Variants in KAZN observed in about 807,000 individuals in gnomAD.
KAZN encodes the protein kazrin.
KAZN carries 40 observed loss-of-function variants against 87.4 expected under a neutral mutation model. The ratio of observed to expected loss-of-function variants is 0.46; its 90% CI spans 0.36 to 0.60. The LOEUF (loss-of-function observed/expected upper bound fraction) is 0.60, where lower values mean the gene tolerates loss of function less well. Ranked by LOEUF, KAZN falls within the 20% of genes least tolerant of loss-of-function variation. The probability of loss-of-function intolerance (pLI) is 0.00; values close to 1 mark genes in which losing one functional copy is unlikely to be tolerated. For synonymous variants in KAZN, 466 were observed against 458.3 expected, an observed-to-expected ratio of 1.02 and a Z score of -0.22; for missense variants, 898 against 1,073.9, an observed-to-expected ratio of 0.84 and a Z score of 2.29.
chr1:13,904,104 A>G (rs563301136), intron 1 of KAZN, among the ~76,000 whole-genome samples: 1 of 152,254 alleles, frequency 6.6e-6, no homozygotes, highest in South Asian at 2.1e-4. Flanking sequence ...CTTAACATGG[A>G]GCAGTTGTCT....
At chr1:14,628,010 CCTT>C (rs893329952) in intron 1 of KAZN, among the ~76,000 whole-genome samples, 2 of 152,230 alleles carry the variant, frequency 1.3e-5, no homozygotes, top group African/African-American at 4.8e-5. Flanking sequence ...GTCTGTCTGA[CCTT>C]CTCACCCTCT....
intron 1 of KAZN, among the ~76,000 whole-genome samples, chr1:14,844,051 C>G (rs1319627496): frequency 6.6e-6 from 1 of 152,166 alleles, no homozygotes; most frequent in African/African-American, 2.4e-5. Context: ...ATGTAGAGAA[C>G]AGAAGACTTC....
intron 2 of KAZN, among the ~76,000 whole-genome samples, chr1:14,242,559 GGCC>G (rs1649073720): frequency 6.6e-6 from 1 of 152,154 alleles, no homozygotes; most frequent in Non-Finnish European, 1.5e-5. Flanking sequence ...CAAAGTCCCT[GGCC>G]TTATATTTGG....
intron 2 of KAZN, among the ~76,000 whole-genome samples, chr1:15,000,155 G>T (rs1668319578): frequency 2.7e-5 from 4 of 149,438 alleles, no homozygotes; most frequent in African/African-American, 1.0e-4. Context: ...TGTGAGACTG[G>T]AAAAAGGTCA....
In KAZN at chr1:14,820,764, G is replaced by A. The variant is rs565572282; in HGVS notation, c.227-139920G>A. 1.3e-5 allele frequency among the ~76,000 whole-genome samples: 2 copies of A among 152,328 alleles called. No individual in the cohort carries two copies. Among genetic ancestry groups the A allele is most frequent in the South Asian group, 4.1e-4 (2 of 4,832 alleles). Reference sequence around the variant, plus strand: ...GGAATAGTCATGGTTTGGTTTGAATGGAGTAGAAGATTCCAGAGGAAGAGC... The same window carrying A: ...GGAATAGTCATGGTTTGGTTTGAATAGAGTAGAAGATTCCAGAGGAAGAGC... On this transcript the variant is annotated intron_variant, in intron 1 of 14. Transcript: ENST00000376030. The surrounding 1 kb of genome is among the most constrained non-coding windows in gnomAD (Gnocchi z 4.1).
intron 1 of KAZN, among the ~76,000 whole-genome samples, chr1:14,666,562 G>A (rs1003813023): frequency 7.9e-5 from 12 of 152,136 alleles, no homozygotes; most frequent in African/African-American, 2.9e-4. Flanking sequence ...GAGAAAGCTG[G>A]AAGTACAAGA....
intron 1 of KAZN, among the ~76,000 whole-genome samples, chr1:14,846,975 C>G (rs945134918): frequency 2.0e-5 from 3 of 152,164 alleles, no homozygotes; most frequent in Non-Finnish European, 4.4e-5. Flanking sequence ...ATGCAGCCCC[C>G]TCTAAATGGG....
chr1:14,284,449 C>G (rs979237225), intron 2 of KAZN, among the ~76,000 whole-genome samples: 3 of 102,444 alleles, frequency 2.9e-5, no homozygotes, highest in African/African-American at 8.1e-5. Flanking sequence ...TGGTGAGCCC[C>G]GGGTTCCAAA....
At chr1:14,376,378 T>A (rs1039855331) in intron 2 of KAZN, among the ~76,000 whole-genome samples, 4 of 152,170 alleles carry the variant, frequency 2.6e-5, no homozygotes, top group African/African-American at 9.7e-5. Context: ...GGGTCTTCCC[T>A]CATAAATGGA....
intron 1 of KAZN, among the ~76,000 whole-genome samples, chr1:14,130,703 GT>G (rs1295017158): frequency 6.6e-6 from 1 of 152,130 alleles, no homozygotes; most frequent in Non-Finnish European, 1.5e-5. Flanking sequence ...TTCCTCCTCA[GT>G]GAGAATGTCT....
At chr1:14,852,889 C>T (rs1336714260) in intron 1 of KAZN, among the ~76,000 whole-genome samples, 1 of 152,182 alleles carries the variant, frequency 6.6e-6, no homozygotes, top group Non-Finnish European at 1.5e-5. Flanking sequence ...ATTCTCAGAC[C>T]CCTCCCAGAC....
At chr1:14,216,646 C>T (rs1049041099) in intron 2 of KAZN, among the ~76,000 whole-genome samples, 1 of 152,178 alleles carries the variant, frequency 6.6e-6, no homozygotes, top group Non-Finnish European at 1.5e-5. Context: ...TGGCTCATAC[C>T]TGTAATCCCA....
intron 2 of KAZN, among the ~76,000 whole-genome samples, chr1:14,969,727 A>G (rs909617219): frequency 5.9e-5 from 9 of 152,218 alleles, no homozygotes; most frequent in Admixed American, 5.2e-4. Flanking sequence ...ACCTGCTTTC[A>G]GCACCCTCAC....
chr1:14,982,442 T>C (rs1156505039), intron 2 of KAZN, among the ~76,000 whole-genome samples: 2 of 143,736 alleles, frequency 1.4e-5, no homozygotes, highest in African/African-American at 5.2e-5. Flanking sequence ...TTTTTTTTTT[T>C]TTTTTGAGAT....
In KAZN at chr1:14,949,148, G is replaced by C. The variant is rs1017376441; in HGVS notation, c.227-11536G>C. On this transcript the variant is annotated intron_variant, in intron 1 of 14. Transcript: ENST00000376030. The surrounding 1 kb of genome is among the most constrained non-coding windows in gnomAD (Gnocchi z 4.3). ...AGCCTGGGCAACAGAGTGAGACTCCGACTCAAAAATAATAATAATAATAAT... is the reference window on the plus strand; with the variant it reads ...AGCCTGGGCAACAGAGTGAGACTCCCACTCAAAAATAATAATAATAATAAT... Among the ~76,000 whole-genome samples, 2 of 117,666 alleles carry C rather than the reference G, an allele frequency of 1.7e-5. No homozygotes were observed. Among genetic ancestry groups the C allele is most frequent in the Non-Finnish European group, 3.4e-5 (2 of 58,234 alleles). 77.2% of individuals were successfully genotyped at this position (117,666 alleles called of 152,430 possible). A position where few individuals can be genotyped will look rare whatever the true frequency, so the allele number is the denominator to read the frequency against.
At chr1:14,296,263 G>C in intron 2 of KAZN, among the ~76,000 whole-genome samples, 1 of 152,206 alleles carries the variant, frequency 6.6e-6, no homozygotes, top group Non-Finnish European at 1.5e-5. Context: ...GCAGTGGTGG[G>C]TTAGGGCCTT....
intron 1 of KAZN, among the ~76,000 whole-genome samples, chr1:13,939,434 A>C (rs1196647671): frequency 6.6e-6 from 1 of 152,190 alleles, no homozygotes; most frequent in African/African-American, 2.4e-5. Flanking sequence ...GTTCCCAATA[A>C]GTTCTTCATT....
intron 2 of KAZN, among the ~76,000 whole-genome samples, chr1:14,431,324 A>T (rs143042489): frequency 1.3e-3 from 195 of 152,318 alleles, no homozygotes; most frequent in African/African-American, 4.5e-3. Context: ...TAGTTAATTT[A>T]TCCAAGCCCA....
chr1:13,893,827 A>G, intron 1 of KAZN: 4 of 1,528,954 alleles, frequency 2.6e-6, no homozygotes, highest in Non-Finnish European at 3.5e-6. Context: ...CCCCAAAAAC[A>G]GCGGTCTGTG....
Sources: allele counts gnomAD v4.1 joint callset (sites outside exome capture counted in the v4.1 genomes callset), GRCh38; gene constraint gnomAD v4.1.1; non-coding constraint Gnocchi (gnomAD v3.1); transcripts MANE v1.5; gene names NCBI Gene and HGNC (gene_info 2026-07-23, HGNC 2026-07-21).